POMK: variants seen among roughly 807,000 people sequenced by gnomAD.
POMK encodes the protein protein O-mannose kinase, also known as Sugen kinase 196.
Under a neutral mutation model 23.0 loss-of-function variants are expected in POMK, and 19 were observed. That is an observed-to-expected ratio of 0.83 (90% CI 0.58 to 1.21). The LOEUF (loss-of-function observed/expected upper bound fraction) is 1.21. Ranked by LOEUF, POMK falls within the 50% of genes most tolerant of loss-of-function variation. POMK has a pLI of 0.00. For synonymous variants in POMK, 173 were observed against 171.6 expected (o/e 1.01, Z -0.06); for missense variants, 410 against 431.3 (o/e 0.95, Z 0.44).
chr8:43,102,305 G>C (rs1238448092), intron 2 of POMK, among the ~76,000 whole-genome samples, 200 bp from the exon 3 acceptor site: 1 of 152,224 alleles, frequency 6.6e-6, no homozygotes, highest in Admixed American at 6.5e-5. Flanking sequence ...TGGAGAAGAA[G>C]AGAGCAGACT....
At position 43,103,562 on chromosome 8, in the gene POMK, C is replaced by T. The variant is rs746166929; in HGVS notation, c.14C>T (p.Pro5Leu). 3 of 1,613,906 alleles carry T rather than the reference C, an allele frequency of 1.9e-6. No individual in the cohort carries two copies. In the African/African-American group the frequency reaches 4.0e-5, roughly 22 times the overall value. MEKQ[P>L]QNSRRGLAPR... ...GAGGCCGTCAACATGGAAAAGCAGC[C>T]CCAGAACAGCAGGAGAGGCCTCGCC... is the stretch of plus-strand genomic sequence containing the variant. Residue 5 changes from proline (P) to leucine (L), a missense_variant, in exon 4 of 5, where the codon CCC becomes CTC. Pro to Leu is a moderately conservative substitution (Grantham distance 98, BLOSUM62 -3). Coordinates refer to ENST00000331373, the MANE Select transcript of POMK (RefSeq NM_032237.5).
intron 4 of POMK, among the ~76,000 whole-genome samples, chr8:43,104,105 C>T (rs1272800281): frequency 6.6e-6 from 1 of 152,072 alleles, no homozygotes; most frequent in East Asian, 1.9e-4. Context: ...TATTGTTGAG[C>T]TCAATAATCT....
chr8:43,117,263 C>A (rs921190873), intron 4 of POMK, among the ~76,000 whole-genome samples: 2 of 152,214 alleles, frequency 1.3e-5, no homozygotes, highest in Non-Finnish European at 2.9e-5. Context: ...GTGCAAGTCA[C>A]AGGGGATGCG....
chr8:43,109,566 G>A (rs190894582), intron 4 of POMK, among the ~76,000 whole-genome samples: 37 of 150,868 alleles, frequency 2.5e-4, no homozygotes, highest in Admixed American at 2.4e-3. Flanking sequence ...TTTTCAAGAC[G>A]CAGTCTCTCT....
chr8:43,105,780 C>A (rs1054415071), intron 4 of POMK, among the ~76,000 whole-genome samples: 1 of 152,210 alleles, frequency 6.6e-6, no homozygotes, highest in Non-Finnish European at 1.5e-5. Flanking sequence ...TCTCCTGCCT[C>A]AGCCTCCTGA....
At chr8:43,096,686 GA>G (rs992796407) in intron 1 of POMK, among the ~76,000 whole-genome samples, 1 of 150,056 alleles carries the variant, frequency 6.7e-6, no homozygotes, top group Non-Finnish European at 1.5e-5. Context: ...AAAGAAAAAA[GA>G]AAAAAAAGAA....
intron 4 of POMK, among the ~76,000 whole-genome samples, chr8:43,115,724 T>A (rs1299329087): frequency 6.6e-6 from 1 of 152,228 alleles, no homozygotes; most frequent in Non-Finnish European, 1.5e-5. Context: ...ATGCCTCTTC[T>A]AAATTATTGG....
intron 4 of POMK, among the ~76,000 whole-genome samples, chr8:43,116,523 C>T (rs1256225500): frequency 6.6e-6 from 1 of 152,164 alleles, no homozygotes; most frequent in Non-Finnish European, 1.5e-5. Flanking sequence ...CTGCCTTGGC[C>T]TCCCAAAGTG....
intron 4 of POMK, among the ~76,000 whole-genome samples, chr8:43,114,288 G>A (rs918237442): frequency 1.3e-5 from 2 of 152,252 alleles, no homozygotes; most frequent in Non-Finnish European, 2.9e-5. Context: ...CGGCTGCTTT[G>A]TTTACCTAAG....
At chr8:43,119,606 T>G (rs1811870492) in intron 4 of POMK, among the ~76,000 whole-genome samples, 1 of 152,042 alleles carries the variant, frequency 6.6e-6, no homozygotes, top group African/African-American at 2.4e-5. Flanking sequence ...CTAATTATTT[T>G]GTATTTTTAG....
chr8:43,105,609 T>C (rs1404110658), intron 4 of POMK, among the ~76,000 whole-genome samples: 1 of 152,250 alleles, frequency 6.6e-6, no homozygotes, highest in East Asian at 1.9e-4. Context: ...GTTGATTCCA[T>C]ATCTTGGCTA....
intron 2 of POMK, among the ~76,000 whole-genome samples, chr8:43,099,749 T>G (rs987946459): frequency 2.6e-5 from 4 of 152,138 alleles, no homozygotes; most frequent in African/African-American, 9.7e-5. Flanking sequence ...GGGGCCAGTT[T>G]CATGGTAACA....
intron 4 of POMK, among the ~76,000 whole-genome samples, chr8:43,121,157 T>A (rs1371664808): frequency 6.6e-6 from 1 of 152,206 alleles, no homozygotes; most frequent in Non-Finnish European, 1.5e-5. Context: ...AGTCTCTTGA[T>A]AAATAATGCA....
rs55636430 is a variant in POMK, at chr8:43,103,913, G to A, written c.282+83G>A. On this transcript the variant is annotated intron_variant, in intron 4 of 4. Transcript: ENST00000331373. ...CCTCCAGCTCCATCCATGCTGGCAC[G>A]GATTACGGAATTTCATCCTTTGTTA... The A allele has an allele frequency of 4.2e-3, 5,768 of 1,382,486 alleles. 214 individuals carry two copies. In the African/African-American group the frequency reaches 0.072, roughly 17 times the overall value. The allele number at this position is 1,382,486 out of a possible 1,614,324, so 85.6% of individuals were successfully genotyped here.
chr8:43,102,801 TC>T (rs766673997), intron 3 of POMK, among the ~76,000 whole-genome samples: 3 of 152,188 alleles, frequency 2.0e-5, no homozygotes, highest in East Asian at 3.8e-4. Flanking sequence ...GCCAGGCCCC[TC>T]CACCATGGCC....
intron 2 of POMK, among the ~76,000 whole-genome samples, chr8:43,098,597 G>A (rs1033303696): frequency 3.9e-5 from 6 of 152,198 alleles, no homozygotes; most frequent in African/African-American, 9.7e-5. Context: ...GAGTGTGTGT[G>A]TGAGTGTGTG....
intron 4 of POMK, among the ~76,000 whole-genome samples, chr8:43,116,030 C>T (rs558858343): frequency 2.6e-5 from 4 of 152,340 alleles, no homozygotes; most frequent in African/African-American, 9.6e-5. Context: ...TCAAAGGCCA[C>T]CCCAGTGAGA....
rs377725187 is a variant in POMK at position 43,103,592 on chromosome 8, G to A, written c.44G>A (p.Arg15Gln). ...PQNSRRGLAPREVPPAVGLLL... is the reference protein window; with the variant it reads ...PQNSRRGLAPQEVPPAVGLLL... ...AACAGCAGGAGAGGCCTCGCCCCCCGAGAGGTGCCGCCAGCTGTTGGGCTG... is the reference window on the plus strand; with the variant it reads ...AACAGCAGGAGAGGCCTCGCCCCCCAAGAGGTGCCGCCAGCTGTTGGGCTG... Residue 15 changes from arginine to glutamine, a missense_variant, in exon 4 of 5, where the codon CGA becomes CAA. Arg to Gln is a conservative substitution (Grantham distance 43). Coordinates refer to ENST00000331373, the MANE Select transcript of POMK (RefSeq NM_032237.5). The A allele has an allele frequency of 1.7e-4, 272 of 1,613,992 alleles. 1 individual carries two copies. The highest frequency in any genetic ancestry group is 3.3e-4 in the Admixed American group (20 of 59,998).
chr8:43,100,647 G>A (rs1158847874), intron 2 of POMK, among the ~76,000 whole-genome samples: 1 of 151,960 alleles, frequency 6.6e-6, no homozygotes, highest in Non-Finnish European at 1.5e-5. Flanking sequence ...GCTAATAAAG[G>A]TCTGGGTAGT....
Sources: gnomAD v4.1 joint callset for allele counts (sites outside exome capture counted in the v4.1 genomes callset) on GRCh38, gnomAD v4.1.1 for gene constraint, MANE v1.5 for transcripts, NCBI Gene and HGNC (gene_info 2026-07-23, HGNC 2026-07-21) for gene names.